NXPE2: variants seen among roughly 807,000 people sequenced by gnomAD.
NXPE2 encodes the protein neurexophilin and PC-esterase domain family member 2.
NXPE2 carries 34 observed loss-of-function variants against 34.4 expected under a neutral mutation model. The ratio of observed to expected loss-of-function variants is 0.99; its 90% confidence interval spans 0.75 to 1.31. The LOEUF is 1.31. Ranked by LOEUF, NXPE2 falls within the 40% of genes most tolerant of loss-of-function variation. The probability of loss-of-function intolerance (pLI) is 0.00; values close to 1 mark genes in which losing one functional copy is unlikely to be tolerated. For missense variants in NXPE2, 649 were observed against 672.5 expected (o/e 0.97, Z 0.39); for synonymous variants, 235 against 231.3 (o/e 1.02, Z -0.15).
At chr11:114,541,445 G>A in the NXPE2 span, among the ~76,000 whole-genome samples, 9 of 152,258 alleles carry the variant, frequency 5.9e-5, no homozygotes, top group Middle Eastern at 3.4e-3. Flanking sequence ...TAGAAATGTC[G>A]ATGAAAAGAG....
rs1405840865 is a variant in NXPE2 at position 114,706,855 on chromosome 11, T to A, written c.1605T>A (p.Tyr535Ter). ...IIDAWDMTIAYCTNNAHPPDY... is the reference protein window; with the variant it reads ...IIDAWDMTIA ...ATGCCTGGGACATGACGATTGCATATTGCACCAACAATGCCCATCCACCGG... is the reference window on the plus strand; with the variant it reads ...ATGCCTGGGACATGACGATTGCATAATGCACCAACAATGCCCATCCACCGG... The change falls in exon 6 of 6, where the codon TAT (tyrosine) becomes TAA (stop). Residue 535 changes from tyrosine to a stop codon, truncating the protein, a stop_gained. Coordinates refer to ENST00000389586, the MANE Select transcript of NXPE2 (RefSeq NM_182495.6). LOFTEE classifies it low-confidence loss of function (END_TRUNC). The A allele has an allele frequency of 3.2e-6, 5 of 1,552,048 alleles. No individual in the cohort carries two copies. In the East Asian group the frequency reaches 9.7e-5, roughly 30 times the overall value.
At chr11:114,720,547 G>A in the NXPE2 span, among the ~76,000 whole-genome samples, 5 of 152,206 alleles carry the variant, frequency 3.3e-5, no homozygotes, top group Non-Finnish European at 7.3e-5. Flanking sequence ...CTTGCCATGT[G>A]TGGCTGCTAA....
the NXPE2 span, among the ~76,000 whole-genome samples, chr11:114,474,864 A>G: frequency 3.9e-5 from 6 of 152,172 alleles, no homozygotes; most frequent in East Asian, 1.2e-3. Flanking sequence ...GCAAGCGAAA[A>G]CTATGCAAAG....
chr11:114,561,598 A>G, the NXPE2 span, among the ~76,000 whole-genome samples: 158 of 152,298 alleles, frequency 1.0e-3, no homozygotes, highest in African/African-American at 3.7e-3. Context: ...TTGCTATAGA[A>G]TTAGGTGAAA....
At chr11:114,794,130 T>C in the NXPE2 span, among the ~76,000 whole-genome samples, 17,473 of 152,158 alleles carry the variant, frequency 0.11, 1,097 homozygotes, top group Admixed American at 0.19. Context: ...GCTGAGTCTC[T>C]CCCGTCGGCT....
chr11:114,757,283 C>T, the NXPE2 span, among the ~76,000 whole-genome samples: 1 of 151,458 alleles, frequency 6.6e-6, no homozygotes, highest in Non-Finnish European at 1.5e-5. Context: ...CAGATTCTTC[C>T]CTTACTAATT....
the NXPE2 span, among the ~76,000 whole-genome samples, chr11:114,755,420 G>A: frequency 6.6e-6 from 1 of 151,984 alleles, no homozygotes; most frequent in Admixed American, 6.5e-5. Context: ...TTCTTTTTCT[G>A]CCTCTATTTT....
chr11:114,651,517 G>A, the NXPE2 span, among the ~76,000 whole-genome samples: 1 of 152,326 alleles, frequency 6.6e-6, no homozygotes, highest in East Asian at 1.9e-4. Context: ...ACCTGCCACA[G>A]CATGGAAGAG....
chr11:114,805,693 C>T, the NXPE2 span, among the ~76,000 whole-genome samples: 63 of 152,312 alleles, frequency 4.1e-4, 1 homozygote, highest in Middle Eastern at 3.4e-3. Flanking sequence ...ACAAAGCAGC[C>T]GGGAAGCTTG....
chr11:114,703,683 TA>T (rs1565391086), intron 3 of NXPE2, among the ~76,000 whole-genome samples: 1 of 22,308 alleles, frequency 4.5e-5, no homozygotes, highest in African/African-American at 2.6e-4. Context: ...GATAGATAGA[TA>T]GATAGATAGA....
the NXPE2 span, among the ~76,000 whole-genome samples, chr11:114,534,005 C>T: frequency 2.6e-5 from 4 of 152,322 alleles, no homozygotes; most frequent in Admixed American, 1.3e-4. Flanking sequence ...GGTCCCTGAC[C>T]CCCAAGTAGC....
the NXPE2 span, among the ~76,000 whole-genome samples, chr11:114,744,836 T>A: frequency 6.6e-6 from 1 of 152,012 alleles, no homozygotes; most frequent in Non-Finnish European, 1.5e-5. Context: ...TCTCACAATA[T>A]TATAAGTACG....
the NXPE2 span, among the ~76,000 whole-genome samples, chr11:114,717,654 T>G: frequency 6.6e-6 from 1 of 152,260 alleles, no homozygotes; most frequent in South Asian, 2.1e-4. Flanking sequence ...GGTAGAAGAG[T>G]TTGGGAATAG....
At chr11:114,769,489 C>G in the NXPE2 span, among the ~76,000 whole-genome samples, 1 of 152,192 alleles carries the variant, frequency 6.6e-6, no homozygotes, top group African/African-American at 2.4e-5. Flanking sequence ...ATAAATCATT[C>G]TACTATAAAG....
the NXPE2 span, among the ~76,000 whole-genome samples, chr11:114,567,335 T>G: frequency 6.6e-6 from 1 of 151,994 alleles, no homozygotes; most frequent in Non-Finnish European, 1.5e-5. Flanking sequence ...CACCCCTGGT[T>G]CATGATTGCC....
the NXPE2 span, among the ~76,000 whole-genome samples, chr11:114,532,755 G>A: frequency 6.6e-6 from 1 of 152,078 alleles, no homozygotes; most frequent in Non-Finnish European, 1.5e-5. Flanking sequence ...AAGTATATAG[G>A]TAGATTAGAT....
At chr11:114,470,896 A>ATACCTT in the NXPE2 span, among the ~76,000 whole-genome samples, 1 of 152,242 alleles carries the variant, frequency 6.6e-6, no homozygotes, top group Admixed American at 6.5e-5. Flanking sequence ...CATCTAAAAA[A>ATACCTT]TACCTTTACA....
the NXPE2 span, among the ~76,000 whole-genome samples, chr11:114,735,888 G>T: frequency 3.9e-5 from 6 of 152,140 alleles, no homozygotes; most frequent in South Asian, 2.1e-4. Flanking sequence ...TTTCACATAG[G>T]TTCTTTTCTA....
chr11:114,808,807 A>G, the NXPE2 span, among the ~76,000 whole-genome samples: 1 of 152,196 alleles, frequency 6.6e-6, no homozygotes, highest in Non-Finnish European at 1.5e-5. Flanking sequence ...TATTCCAATC[A>G]ACAGAAAAAG....
Sources: allele counts gnomAD v4.1 joint callset (sites outside exome capture counted in the v4.1 genomes callset), GRCh38; gene constraint gnomAD v4.1.1; transcripts MANE v1.5; gene names NCBI Gene and HGNC (gene_info 2026-07-23, HGNC 2026-07-21).